The following THYN1 variants were observed in gnomAD, a reference collection of about 807,000 sequenced individuals.
THYN1 encodes thymocyte protein thy28.
In THYN1, 32 loss-of-function variants were observed where a neutral mutation model predicts 30.6. The observed-to-expected ratio is 1.05, with a 90% CI of 0.79 to 1.40. The LOEUF is 1.40. Among genes scored for constraint, THYN1 ranks in the 40% most tolerant of loss-of-function variants. The probability of loss-of-function intolerance (pLI) is 0.00; values close to 1 mark genes in which losing one functional copy is unlikely to be tolerated. For synonymous variants in THYN1, 107 were observed against 90.8 expected (o/e 1.18, Z -1.01); for missense variants, 259 against 272.6 (o/e 0.95, Z 0.35).
At chr11:134,251,575 CA>C in intron 1 of THYN1, 1 of 361,304 alleles carries the variant, frequency 2.8e-6, no homozygotes, top group East Asian at 4.6e-5. Context: ...GGACAGTAGT[CA>C]ATACATGTTT....
In THYN1 at chr11:134,249,179, A is replaced by C; in HGVS notation, c.468T>G (p.Pro156=). ...HYDPSSKEDN[P]KWSMVDVQFV... ...GCATAGTCTTTACCATGGACCACTT[A>C]GGGTTGTCCTCTTTGCTAGATGGGT... The change falls in exon 5 of 7, where the codon CCT becomes CCG. Residue 156 remains proline (P), a synonymous_variant. Coordinates refer to ENST00000341541, the MANE Select transcript of THYN1 (RefSeq NM_014174.3). 6.2e-7 allele frequency: 1 copy of C among 1,613,280 alleles called. No individual in the cohort carries two copies. Among genetic ancestry groups the C allele is most frequent in the Non-Finnish European group, 8.5e-7 (1 of 1,179,594 alleles).
rs2509063 is a variant in THYN1, at chr11:134,248,300, T to C, written c.*138A>G. 7 of 1,006,964 alleles carry C rather than the reference T, an allele frequency of 7.0e-6. No individual in the cohort carries two copies. Among genetic ancestry groups the C allele is most frequent in the South Asian group, 2.5e-5 (2 of 78,546 alleles). 62.4% of individuals were successfully genotyped at this position (1,006,964 alleles called of 1,614,324 possible). A position where few individuals can be genotyped will look rare whatever the true frequency, so the allele number is the denominator to read the frequency against. ...AAAGTTCTTCAACTTTGATATTTTA[T>C]TGAAAAAAGTACACAAAAACCACTG... On this transcript the variant is annotated 3_prime_UTR_variant, in exon 7 of 7. Transcript: ENST00000341541.
intron 1 of THYN1, chr11:134,251,685 G>C (rs888784813): frequency 5.8e-5 from 10 of 173,318 alleles, no homozygotes; most frequent in Admixed American, 2.5e-4. Context: ...AATACAAAGG[G>C]CCTAGACAAT....
intron 6 of THYN1, 102 bp from the exon 7 acceptor site, chr11:134,248,586 G>T (rs1003860200): frequency 6.2e-5 from 90 of 1,463,278 alleles, no homozygotes; most frequent in Non-Finnish European, 7.9e-5. Context: ...GTACTAAGGC[G>T]AGCAGTCATT....
chr11:134,251,284 G>A lies in THYN1; in HGVS notation c.68C>T (p.Thr23Ile), dbSNP rs911848439. 3.1e-6 allele frequency: 5 copies of A among 1,612,996 alleles called. No homozygotes were observed. The highest frequency in any genetic ancestry group is 2.7e-5 in the African/African-American group (2 of 74,852). ...GSDKGLSGKR[T>I]KTENSGEALA... Reference sequence around the variant, plus strand: ...TGCCTCACCTGAGTTCTCAGTTTTGGTGCGTTTTCCTGATAGTCCCTTGTC... The same window carrying A: ...TGCCTCACCTGAGTTCTCAGTTTTGATGCGTTTTCCTGATAGTCCCTTGTC... The change falls in exon 2 of 7, where the codon ACC becomes ATC. Residue 23 changes from threonine (T) to isoleucine (I), a missense_variant. Thr to Ile is a moderately conservative substitution (Grantham distance 89). Coordinates refer to ENST00000341541, the MANE Select transcript of THYN1 (RefSeq NM_014174.3).
chr11:134,249,929 G>C lies in THYN1; in HGVS notation c.292-9C>G. 6.2e-7 allele frequency: 1 copy of C among 1,610,124 alleles called. No individual in the cohort carries two copies. Among genetic ancestry groups the C allele is most frequent in the Non-Finnish European group, 8.5e-7 (1 of 1,177,806 alleles). The stretch of plus-strand genomic sequence containing the variant: ...CTAAGGAAGTTCCGAGCCTGTCCCG[G>C]GAGAAGAAAGAGTAACTATCCTCCC... On this transcript the variant is annotated splice_polypyrimidine_tract_variant and intron_variant, in intron 3 of 6. Transcript: ENST00000341541.
At chr11:134,249,782 T>C (rs1314121889) in intron 4 of THYN1, 46 bp downstream of exon 4, 1 of 1,575,032 alleles carries the variant, frequency 6.3e-7, no homozygotes, top group Admixed American at 1.7e-5. Flanking sequence ...CTTAAGTTAG[T>C]CTCCCTGGAG....
At chr11:134,250,832 CTTA>C (rs1939013081) in intron 2 of THYN1, among the ~76,000 whole-genome samples, 1 of 152,152 alleles carries the variant, frequency 6.6e-6, no homozygotes, top group South Asian at 2.1e-4. Context: ...CAGCTGTTTA[CTTA>C]TTATCTGTGG....
intron 1 of THYN1, 106 bp downstream of exon 1, chr11:134,252,734 T>C (rs1163903864): frequency 1.5e-6 from 2 of 1,294,876 alleles, no homozygotes; most frequent in Admixed American, 1.8e-5. Context: ...AGTAAAAATA[T>C]CACAAAGGGT....
At chr11:134,251,492 T>G in intron 1 of THYN1, 184 bp from the exon 2 acceptor site, 2 of 651,152 alleles carry the variant, frequency 3.1e-6, no homozygotes, top group Non-Finnish European at 5.2e-6. Flanking sequence ...ATACCTACCT[T>G]ACAGGGTATC....
intron 1 of THYN1, chr11:134,251,681 A>G (rs1939066055): frequency 2.3e-5 from 4 of 177,430 alleles, no homozygotes; most frequent in African/African-American, 9.4e-5. Flanking sequence ...AGGTAATACA[A>G]AGGGCCTAGA....
intron 1 of THYN1, chr11:134,251,843 A>G (rs1389772729): frequency 6.6e-6 from 1 of 152,380 alleles, no homozygotes. Context: ...CATTCAGGAC[A>G]TTGTAGAAAA....
Position 134,248,406 on chromosome 11 carries a change from A to G in THYN1, c.*32T>C, listed in dbSNP as rs774791264. On this transcript the variant is annotated 3_prime_UTR_variant, in exon 7 of 7. Transcript: ENST00000341541. ...AAAAAAGCTTGACTTCTTTGCAGCAATGTCTCGCCCATTCCAGCAGCAGTA... is the reference window on the plus strand; with the variant it reads ...AAAAAAGCTTGACTTCTTTGCAGCAGTGTCTCGCCCATTCCAGCAGCAGTA... 6.2e-7 allele frequency: 1 copy of G among 1,614,028 alleles called. No individual in the cohort carries two copies. Among genetic ancestry groups the G allele is most frequent in the Admixed American group, 1.7e-5 (1 of 60,028 alleles).
rs758344503 is a variant in THYN1 at position 134,248,891 on chromosome 11, T to TGC, written c.548_549insGC (p.Ala184GlnfsTer10). The stretch of plus-strand genomic sequence containing the variant: ...AGGGGCCACCAGTAGCTTTGTGAGC[T>TGC]TGATGATAGGATTTGAGCTCAGCCA... On this transcript the variant is annotated frameshift_variant, in exon 6 of 7. Transcript: ENST00000341541. LOFTEE classifies it high-confidence loss of function. 36 of 1,614,092 alleles carry TGC rather than the reference T, an allele frequency of 2.2e-5. No individual in the cohort carries two copies. The highest frequency in any genetic ancestry group is 3.1e-5 in the Non-Finnish European group (36 of 1,180,038).
chr11:134,251,384 G>A, intron 1 of THYN1, 76 bp from the exon 2 acceptor site: 5 of 1,493,910 alleles, frequency 3.3e-6, no homozygotes, highest in Non-Finnish European at 4.5e-6. Flanking sequence ...GCTTAGCTTT[G>A]GAGTCAGACC....
Position 134,249,179 on chromosome 11 carries a change from A to G in THYN1, c.468T>C (p.Pro156=). The change falls in exon 5 of 7, where the codon CCT becomes CCC. Residue 156 remains proline, a synonymous_variant. Coordinates refer to ENST00000341541, the MANE Select transcript of THYN1 (RefSeq NM_014174.3). The part of the protein sequence containing the change: ...HYDPSSKEDN[P]KWSMVDVQFV... ...GCATAGTCTTTACCATGGACCACTT[A>G]GGGTTGTCCTCTTTGCTAGATGGGT... 1 of 1,613,280 alleles carries G rather than the reference A, an allele frequency of 6.2e-7. No homozygotes were observed. The highest frequency in any genetic ancestry group is 8.5e-7 in the Non-Finnish European group (1 of 1,179,594).
Position 134,248,792 on chromosome 11 carries a change from A to G in THYN1, c.631+17T>C, listed in dbSNP as rs750159540. 1 of 1,613,676 alleles carries G rather than the reference A, an allele frequency of 6.2e-7. No individual in the cohort carries two copies. The highest frequency in any genetic ancestry group is 8.5e-7 in the Non-Finnish European group (1 of 1,179,772). ...CATTCTGGTATATGGACAATAAAGG[A>G]GAGGGCCCACTCTTACCCTGGGTCA... On this transcript the variant is annotated intron_variant, in intron 6 of 6. Coordinates refer to ENST00000341541, the MANE Select transcript of THYN1 (RefSeq NM_014174.3).
Position 134,248,336 on chromosome 11 carries a change from G to T in THYN1, c.*102C>A. 1 of 1,305,946 alleles carries T rather than the reference G, an allele frequency of 7.7e-7. No homozygotes were observed. Among genetic ancestry groups the T allele is most frequent in the Non-Finnish European group, 1.1e-6 (1 of 898,938 alleles). The allele number at this position is 1,305,946 out of a possible 1,614,324, so 80.9% of individuals were successfully genotyped here. A position where few individuals can be genotyped will look rare whatever the true frequency, so the allele number is the denominator to read the frequency against. ...ACACAAAAACCACTGAGGTACACAA[G>T]CCCAGGTAAGCATACCAAGCAAGCC... is the stretch of plus-strand genomic sequence containing the variant. On this transcript the variant is annotated 3_prime_UTR_variant, in exon 7 of 7. Transcript: ENST00000341541.
rs569044762 is a variant in THYN1 at position 134,248,408 on chromosome 11, G to C, written c.*30C>G. On this transcript the variant is annotated 3_prime_UTR_variant, in exon 7 of 7. Coordinates refer to ENST00000341541, the MANE Select transcript of THYN1 (RefSeq NM_014174.3). ...AAAAGCTTGACTTCTTTGCAGCAAT[G>C]TCTCGCCCATTCCAGCAGCAGTATC... is the stretch of plus-strand genomic sequence containing the variant. 6.2e-7 allele frequency: 1 copy of C among 1,613,838 alleles called. No homozygotes were observed. Among genetic ancestry groups the C allele is most frequent in the African/African-American group, 1.3e-5 (1 of 74,882 alleles).
Sources: gnomAD v4.1 joint callset for allele counts (sites outside exome capture counted in the v4.1 genomes callset) on GRCh38, gnomAD v4.1.1 for gene constraint, MANE v1.5 for transcripts, NCBI Gene and HGNC (gene_info 2026-07-23, HGNC 2026-07-21) for gene names.